The following UTRN variants were observed in gnomAD, a reference collection of about 807,000 sequenced individuals.
The protein encoded by UTRN is utrophin, also known as dystrophin-related protein 1.
Under a neutral mutation model 463.9 loss-of-function variants are expected in UTRN, and 283 were observed. The observed-to-expected ratio is 0.61, with a 90% CI of 0.55 to 0.67. The LOEUF is 0.67. UTRN is among the 30% of genes least tolerant of loss of function. The pLI is 0.00. For synonymous variants in UTRN, 1,442 were observed against 1,431.5 expected, an observed-to-expected ratio of 1.01 and a Z score of -0.17; for missense variants, 3,922 against 4,084.3, an observed-to-expected ratio of 0.96 and a Z score of 1.08.
chr6:144,748,167 G>A (rs1315968680), intron 54 of UTRN, 79 bp from the exon 55 acceptor site: 107 of 1,479,556 alleles, frequency 7.2e-5, no homozygotes, highest in Non-Finnish European at 7.9e-5. Context: ...TCTCAGTAAC[G>A]ATGGTAACAC....
intron 2 of UTRN, among the ~76,000 whole-genome samples, chr6:144,380,883 A>G (rs1452315537): frequency 6.6e-6 from 1 of 152,176 alleles, no homozygotes; most frequent in Non-Finnish European, 1.5e-5. Flanking sequence ...TGATACAAAG[A>G]AGATCTCTGA....
chr6:144,726,841 G>A (rs559777735), intron 53 of UTRN, among the ~76,000 whole-genome samples: 1 of 152,298 alleles, frequency 6.6e-6, no homozygotes, highest in Admixed American at 6.5e-5. Flanking sequence ...TATTGTGAGA[G>A]TCTCCATGTT....
At chr6:144,733,284 C>T (rs973512518) in intron 54 of UTRN, among the ~76,000 whole-genome samples, 25 of 152,128 alleles carry the variant, frequency 1.6e-4, no homozygotes, top group Admixed American at 9.2e-4. Context: ...TTTGGGAGGC[C>T]GAGGCAGGCG....
chr6:144,393,051 TCATC>T (rs1271896767), intron 2 of UTRN, among the ~76,000 whole-genome samples: 34 of 123,460 alleles, frequency 2.8e-4, no homozygotes, highest in East Asian at 4.7e-4. Context: ...ATCCATCCAT[TCATC>T]CATCCATCCA....
At chr6:144,657,030 C>T (rs1779378322) in intron 51 of UTRN, among the ~76,000 whole-genome samples, 1 of 152,162 alleles carries the variant, frequency 6.6e-6, no homozygotes. Flanking sequence ...GCAGGTGGAT[C>T]ACCTGAGGTC....
At position 144,643,722 on chromosome 6, in the gene UTRN, G is replaced by A. The variant is rs150950491; in HGVS notation, c.7480-34684G>A. Among the ~76,000 whole-genome samples the A allele has an allele frequency of 7.2e-5, 11 of 151,988 alleles. No homozygotes were observed. The East Asian group carries it at 1.2e-3, about 16-fold the overall frequency. On this transcript the variant is annotated intron_variant, in intron 51 of 74. Coordinates refer to ENST00000367545, the MANE Select transcript of UTRN (RefSeq NM_007124.3). ...TGAGGCAGGAGAATCGCTTGAACCC[G>A]GGCGGTGGAGGTTACAATGAGCCCA... is the stretch of plus-strand genomic sequence containing the variant.
intron 25 of UTRN, among the ~76,000 whole-genome samples, chr6:144,475,531 G>A (rs1365213557): frequency 6.6e-6 from 1 of 152,220 alleles, no homozygotes; most frequent in Admixed American, 6.5e-5. Context: ...TTTCAAGTAT[G>A]ATATTACACA....
chr6:144,410,552 T>C (rs1439446629), intron 3 of UTRN, among the ~76,000 whole-genome samples: 1 of 151,966 alleles, frequency 6.6e-6, no homozygotes. Context: ...ATTTGTAAAA[T>C]TTTATCCCTC....
intron 1 of UTRN, among the ~76,000 whole-genome samples, chr6:144,288,756 C>CTTTTT (rs1197688763): frequency 5.3e-5 from 7 of 132,244 alleles, no homozygotes; most frequent in East Asian, 4.6e-4. Flanking sequence ...CTCTCTCTCT[C>CTTTTT]TTTTTTTTTT....
At chr6:144,768,770 G>A (rs145889366) in intron 58 of UTRN, among the ~76,000 whole-genome samples, 1 of 152,188 alleles carries the variant, frequency 6.6e-6, no homozygotes, top group East Asian at 1.9e-4. Flanking sequence ...ATAGCTCAGA[G>A]ATAATTTAAG....
intron 4 of UTRN, among the ~76,000 whole-genome samples, chr6:144,422,653 T>G (rs1311063688): frequency 6.6e-6 from 1 of 152,190 alleles, no homozygotes; most frequent in Non-Finnish European, 1.5e-5. Context: ...CTATGACATC[T>G]ATTTTTTATT....
chr6:144,594,782 T>C (rs1432713004), intron 51 of UTRN, among the ~76,000 whole-genome samples: 1 of 152,162 alleles, frequency 6.6e-6, no homozygotes, highest in Non-Finnish European at 1.5e-5. Context: ...ATTTCCTATT[T>C]CTTCCCACCG....
chr6:144,591,384 C>T (rs1562617999), intron 51 of UTRN, among the ~76,000 whole-genome samples: 1 of 152,146 alleles, frequency 6.6e-6, no homozygotes, highest in Non-Finnish European at 1.5e-5. Flanking sequence ...CTTCCCTTGA[C>T]CAGTGGGGCT....
chr6:144,655,179 G>C (rs1236118155), intron 51 of UTRN, among the ~76,000 whole-genome samples: 1 of 152,192 alleles, frequency 6.6e-6, no homozygotes, highest in African/African-American at 2.4e-5. Flanking sequence ...CCTTTCATCA[G>C]GGGACTCAGG....
chr6:144,728,539 A>G (rs1386912873), intron 53 of UTRN, among the ~76,000 whole-genome samples: 1 of 151,680 alleles, frequency 6.6e-6, no homozygotes, highest in Admixed American at 6.6e-5. Context: ...TGCGTTTGTT[A>G]AATAGGAGAT....
chr6:144,423,860 A>G (rs1785068325), intron 5 of UTRN, 126 bp from the exon 6 acceptor site: 1 of 1,043,976 alleles, frequency 9.6e-7, no homozygotes, highest in Non-Finnish European at 1.4e-6. Flanking sequence ...CTGATTCTCT[A>G]AAATGAAATT....
chr6:144,845,211 G>T (rs1370913849), intron 73 of UTRN, among the ~76,000 whole-genome samples: 1 of 152,150 alleles, frequency 6.6e-6, no homozygotes, highest in Non-Finnish European at 1.5e-5. Context: ...TAAGGAAAGG[G>T]GTTTAAATGT....
intron 51 of UTRN, among the ~76,000 whole-genome samples, chr6:144,615,269 A>G (rs1321088555): frequency 6.6e-6 from 1 of 152,126 alleles, no homozygotes; most frequent in African/African-American, 2.4e-5. Context: ...GTCATTTCCT[A>G]TATTACTTGG....
chr6:144,751,592 CAT>C (rs567130282), intron 55 of UTRN, among the ~76,000 whole-genome samples: 169 of 152,076 alleles, frequency 1.1e-3, no homozygotes, highest in African/African-American at 3.9e-3. Context: ...GTCAGCTCTC[CAT>C]ATATATATGG....
Sources: gnomAD v4.1 joint callset for allele counts (sites outside exome capture counted in the v4.1 genomes callset) on GRCh38, gnomAD v4.1.1 for gene constraint, MANE v1.5 for transcripts, NCBI Gene and HGNC (gene_info 2026-07-23, HGNC 2026-07-21) for gene names.